The following CSNK1G1 variants were observed in gnomAD, a reference collection of about 807,000 sequenced individuals.
CSNK1G1 encodes casein kinase 1 gamma 1.
Under a neutral mutation model 59.6 loss-of-function variants are expected in CSNK1G1, and 22 were observed. The observed-to-expected ratio is 0.37, with a 90% CI of 0.26 to 0.53. The LOEUF (loss-of-function observed/expected upper bound fraction) is 0.53. Ranked by LOEUF, CSNK1G1 falls within the 20% of genes least tolerant of loss-of-function variation. CSNK1G1 has a pLI of 0.89. For synonymous variants in CSNK1G1, 179 were observed against 177.1 expected, an observed-to-expected ratio of 1.01 and a Z score of -0.08; for missense variants, 384 against 519.5, an observed-to-expected ratio of 0.74 and a Z score of 2.54.
In CSNK1G1 at chr15:64,354,569, G is replaced by T. The variant is rs78677233; in HGVS notation, c.-225+1419C>A. 5.9e-5 allele frequency among the ~76,000 whole-genome samples: 9 copies of T among 151,998 alleles called. No individual in the cohort carries two copies. The South Asian group carries it at 1.7e-3, about 28-fold the overall frequency. Reference sequence around the variant, plus strand: ...GATAACTGAATTTCATGCTACCTACGATCAATTTCGAGAAGACACTGAAAG... The same window carrying T: ...GATAACTGAATTTCATGCTACCTACTATCAATTTCGAGAAGACACTGAAAG... On this transcript the variant is annotated intron_variant, in intron 1 of 11. Coordinates refer to ENST00000303052, the MANE Select transcript of CSNK1G1 (RefSeq NM_022048.5).
intron 3 of CSNK1G1, among the ~76,000 whole-genome samples, chr15:64,254,543 G>C (rs1892269684): frequency 1.3e-5 from 2 of 151,892 alleles, no homozygotes; most frequent in African/African-American, 4.8e-5. Context: ...GTAGAGATGG[G>C]GTTTCTGCAT....
At position 64,343,234 on chromosome 15, in the gene CSNK1G1, C is replaced by CACACACACACACACACA. The variant is rs1327910388; in HGVS notation, c.-225+12753_-225+12754insTGTGTGTGTGTGTGTGT. On this transcript the variant is annotated intron_variant, in intron 1 of 11. Transcript: ENST00000303052. ...ACACACACACACACACACACACACACACCTCTTCTAAAATAGACCCCATTC... is the reference window on the plus strand; with the variant it reads ...ACACACACACACACACACACACACACACACACACACACACACAACCTCTTCTAAAATAGACCCCATTC... Among the ~76,000 whole-genome samples, 18 of 151,866 alleles carry CACACACACACACACACA rather than the reference C, an allele frequency of 1.2e-4. No homozygotes were observed. In the South Asian group the frequency reaches 3.3e-3, roughly 28 times the overall value.
chr15:64,338,700 CAAA>C (rs34206192), intron 1 of CSNK1G1, among the ~76,000 whole-genome samples: 21 of 31,528 alleles, frequency 6.7e-4, no homozygotes, highest in African/African-American at 1.9e-3. Flanking sequence ...AACTCGGTCT[CAAA>C]AAAAAAAAAA....
chr15:64,347,294 GTATT>G (rs1898028145), intron 1 of CSNK1G1, among the ~76,000 whole-genome samples: 1 of 152,222 alleles, frequency 6.6e-6, no homozygotes, highest in African/African-American at 2.4e-5. Flanking sequence ...ACACTCCTGG[GTATT>G]TACTCAAAAG....
Position 64,251,272 on chromosome 15 carries a change from G to T in CSNK1G1, c.292+240C>A, listed in dbSNP as rs113282548. Among the ~76,000 whole-genome samples the T allele has an allele frequency of 8.4e-3, 1,280 of 152,264 alleles. 19 individuals are homozygous for T. Among genetic ancestry groups the T allele is most frequent in the African/African-American group, 0.029 (1,201 of 41,556 alleles). On this transcript the variant is annotated intron_variant, in intron 4 of 11. Coordinates refer to ENST00000303052, the MANE Select transcript of CSNK1G1 (RefSeq NM_022048.5). Reference sequence around the variant, plus strand: ...TTCACACTATGAGTATTTGACAAGTGGAAGGCATCTGCAGGTTGGTCTGTG... The same window carrying T: ...TTCACACTATGAGTATTTGACAAGTTGAAGGCATCTGCAGGTTGGTCTGTG...
At chr15:64,335,092 G>A (rs1897317170) in intron 1 of CSNK1G1, among the ~76,000 whole-genome samples, 1 of 152,178 alleles carries the variant, frequency 6.6e-6, no homozygotes, top group Admixed American at 6.5e-5. Context: ...ATGAGAATCT[G>A]CTGCAAATCT....
Position 64,166,364 on chromosome 15 carries a change from T to C in CSNK1G1, c.*5567A>G, listed in dbSNP as rs1028704849. The C allele has an allele frequency of 1.0e-5, 2 of 191,422 alleles. No homozygotes were observed. Among genetic ancestry groups the C allele is most frequent in the African/African-American group, 2.3e-5 (1 of 43,000 alleles). The allele number at this position is 191,422 out of a possible 1,614,324, so 11.9% of individuals were successfully genotyped here. A position where few individuals can be genotyped will look rare whatever the true frequency, so the allele number is the denominator to read the frequency against. On this transcript the variant is annotated 3_prime_UTR_variant, in exon 12 of 12. Transcript: ENST00000303052. The surrounding 1 kb of genome is among the most constrained non-coding windows in gnomAD (Gnocchi z 4.5). ...TTTATCTTTATCTTTTCTGCTGTTA[T>C]TTTTTTTCTCTGCTTGATAAAATGG...
At chr15:64,314,164 G>C (rs1453746507) in intron 1 of CSNK1G1, among the ~76,000 whole-genome samples, 1 of 152,128 alleles carries the variant, frequency 6.6e-6, no homozygotes, top group African/African-American at 2.4e-5. Flanking sequence ...GGAGTGTAGT[G>C]CCTGTTCACA....
At chr15:64,321,209 C>G (rs1355117854) in intron 1 of CSNK1G1, among the ~76,000 whole-genome samples, 1 of 150,966 alleles carries the variant, frequency 6.6e-6, no homozygotes, top group Non-Finnish European at 1.5e-5. Context: ...CACAAAATAA[C>G]AGCTTATTAC....
At position 64,166,108 on chromosome 15, in the gene CSNK1G1, G is replaced by T. The variant is rs2081600178; in HGVS notation, c.*5823C>A. ...AAAAAAAAAAAAAGTAAAAAAAGAGGCATTTAACAATAATCAGACACATCC... is the reference window on the plus strand; with the variant it reads ...AAAAAAAAAAAAAGTAAAAAAAGAGTCATTTAACAATAATCAGACACATCC... On this transcript the variant is annotated 3_prime_UTR_variant, in exon 12 of 12. Transcript: ENST00000303052. The surrounding 1 kb of genome is among the most constrained non-coding windows in gnomAD (Gnocchi z 4.5). The T allele has an allele frequency of 6.7e-6, 4 of 600,214 alleles. No individual in the cohort carries two copies. Among genetic ancestry groups the T allele is most frequent in the East Asian group, 5.9e-5 (2 of 33,720 alleles). The allele number at this position is 600,214 out of a possible 1,614,324, so 37.2% of individuals were successfully genotyped here. A position where few individuals can be genotyped will look rare whatever the true frequency, so the allele number is the denominator to read the frequency against.
At chr15:64,223,455 G>A (rs538007651) in intron 4 of CSNK1G1, among the ~76,000 whole-genome samples, 1 of 152,240 alleles carries the variant, frequency 6.6e-6, no homozygotes, top group African/African-American at 2.4e-5. Context: ...ACTCAGGCAA[G>A]GAAGATATGT....
At chr15:64,292,694 G>A (rs1014587091) in intron 2 of CSNK1G1, among the ~76,000 whole-genome samples, 2 of 152,146 alleles carry the variant, frequency 1.3e-5, no homozygotes, top group African/African-American at 4.8e-5. Flanking sequence ...GGAGGCCGAG[G>A]TGGCTGGATC....
rs758285524 is a variant in CSNK1G1 at position 64,189,451 on chromosome 15, A to T, written c.1108-8997T>A. 7.0e-6 allele frequency: 9 copies of T among 1,290,098 alleles called. No homozygotes were observed. The African/African-American group carries it at 1.2e-4, about 17-fold the overall frequency. 79.9% of individuals were successfully genotyped at this position (1,290,098 alleles called of 1,614,324 possible). ...GCCAGATGGCTGAGTTGTTAACATC[A>T]TAATGCTCAGCTGTAACAGTCCTAA... On this transcript the variant is annotated intron_variant, in intron 10 of 11. Coordinates refer to ENST00000303052, the MANE Select transcript of CSNK1G1 (RefSeq NM_022048.5).
intron 1 of CSNK1G1, among the ~76,000 whole-genome samples, chr15:64,302,486 T>A (rs187107193): frequency 1.9e-4 from 29 of 152,240 alleles, no homozygotes; most frequent in Admixed American, 3.3e-4. Flanking sequence ...ATAATGTATA[T>A]TCTGTAAAGG....
Position 64,243,594 on chromosome 15 carries a change from G to A in CSNK1G1, c.292+7918C>T, listed in dbSNP as rs145711481. On this transcript the variant is annotated intron_variant, in intron 4 of 11. Transcript: ENST00000303052. Reference sequence around the variant, plus strand: ...CATAAAGGGCATCCAAATTGAAAAGGAGGAAGTCGAATTGTCCCTATATGC... The same window carrying A: ...CATAAAGGGCATCCAAATTGAAAAGAAGGAAGTCGAATTGTCCCTATATGC... Among the ~76,000 whole-genome samples the A allele has an allele frequency of 4.4e-3, 675 of 152,238 alleles. 7 individuals are homozygous for A. The highest frequency in any genetic ancestry group is 0.014 in the South Asian group (68 of 4,816).
chr15:64,323,573 C>T (rs1248053102), intron 1 of CSNK1G1, among the ~76,000 whole-genome samples: 1 of 152,076 alleles, frequency 6.6e-6, no homozygotes, highest in Admixed American at 6.6e-5. Context: ...CCATGTTGGT[C>T]AGGCTGGTCT....
intron 1 of CSNK1G1, among the ~76,000 whole-genome samples, chr15:64,332,331 A>C (rs1002788339): frequency 2.2e-5 from 3 of 138,358 alleles, no homozygotes; most frequent in Admixed American, 7.6e-5. Context: ...ACATCATGGA[A>C]TACTATGCAG....
At chr15:64,194,889 T>G (rs1319031279) in intron 10 of CSNK1G1, 1 of 152,184 alleles carries the variant, frequency 6.6e-6, no homozygotes, top group Non-Finnish European at 1.5e-5. Flanking sequence ...AAAACACTCT[T>G]TTACTGGAGG....
chr15:64,200,451 C>G lies in CSNK1G1; in HGVS notation c.1107+2631G>C, dbSNP rs1195116934. 6.6e-6 allele frequency among the ~76,000 whole-genome samples: 1 copy of G among 152,022 alleles called. No individual in the cohort carries two copies. Among genetic ancestry groups the G allele is most frequent in the Non-Finnish European group, 1.5e-5 (1 of 67,992 alleles). ...ACCTCCACCTCCCAGGTTCAAGTGA[C>G]TCTCCTGCCTCAGCCTCCTGAGTAG... is the stretch of plus-strand genomic sequence containing the variant. On this transcript the variant is annotated intron_variant, in intron 10 of 11. Coordinates refer to ENST00000303052, the MANE Select transcript of CSNK1G1 (RefSeq NM_022048.5). This position sits in a 1 kb window ranked among gnomAD's most constrained non-coding sequence, Gnocchi z 4.3.
Sources: gnomAD v4.1 joint callset for allele counts (sites outside exome capture counted in the v4.1 genomes callset) on GRCh38, gnomAD v4.1.1 for gene constraint, Gnocchi (gnomAD v3.1) non-coding constraint, MANE v1.5 for transcripts, NCBI Gene and HGNC (gene_info 2026-07-23, HGNC 2026-07-21) for gene names.